TMC5: variants seen among roughly 807,000 people sequenced by gnomAD.
TMC5 encodes the protein transmembrane channel-like protein 5.
A neutral mutation model predicts 110.5 loss-of-function variants in TMC5; 86 were observed. The observed-to-expected ratio is 0.78, with a 90% confidence interval of 0.65 to 0.93. The LOEUF (loss-of-function observed/expected upper bound fraction) is 0.93, where lower values mean the gene tolerates loss of function less well. Ranked by LOEUF, TMC5 falls within the 40% of genes least tolerant of loss-of-function variation. The pLI is 0.00. For missense variants in TMC5, 1,144 were observed against 1,222.8 expected, an observed-to-expected ratio of 0.94 and a Z score of 0.96; for synonymous variants, 455 against 439.5, an observed-to-expected ratio of 1.04 and a Z score of -0.44.
intron 5 of TMC5, among the ~76,000 whole-genome samples, chr16:19,453,918 A>G (rs987548327): frequency 2.0e-5 from 3 of 152,150 alleles, no homozygotes; most frequent in Non-Finnish European, 4.4e-5. Flanking sequence ...GAATCTCACT[A>G]TATTGCTCCG....
At chr16:19,493,930 A>G (rs1450684417) in intron 19 of TMC5, among the ~76,000 whole-genome samples, 1 of 151,238 alleles carries the variant, frequency 6.6e-6, no homozygotes, top group African/African-American at 2.4e-5. Context: ...GCACGTGCCT[A>G]TGGGGGATAC....
At chr16:19,450,716 C>A (rs1967729394) in intron 5 of TMC5, among the ~76,000 whole-genome samples, 1 of 152,160 alleles carries the variant, frequency 6.6e-6, no homozygotes, top group African/African-American at 2.4e-5. Context: ...GGAGCACATG[C>A]CTACACTTGA....
At chr16:19,444,713 C>T (rs1011077661) in intron 4 of TMC5, among the ~76,000 whole-genome samples, 7 of 152,168 alleles carry the variant, frequency 4.6e-5, no homozygotes, top group African/African-American at 1.7e-4. Flanking sequence ...TTTAGCATAT[C>T]CTAAAGGCAT....
chr16:19,474,197 G>C lies in TMC5; in HGVS notation c.2011G>C (p.Val671Leu). The change falls in exon 12 of 22, where the codon GTG becomes CTG. Residue 671 changes from valine to leucine, a missense_variant. Val to Leu is a conservative substitution (Grantham distance 32, BLOSUM62 1). Coordinates refer to ENST00000542583, the MANE Select transcript of TMC5 (RefSeq NM_001261841.2). ...PFVVSCINLA[V>L]PCIYSMFRLV... ...CGTTGTGTCCTGCATTAATCTGGCC[G>C]TGCCATGCATCTACTCCATGTTCAG... The C allele has an allele frequency of 1.9e-6, 3 of 1,614,004 alleles. No individual in the cohort carries two copies. The highest frequency in any genetic ancestry group is 2.5e-6 in the Non-Finnish European group (3 of 1,180,000).
intron 2 of TMC5, among the ~76,000 whole-genome samples, chr16:19,431,339 G>A (rs949131534): frequency 7.2e-5 from 11 of 152,012 alleles, no homozygotes; most frequent in African/African-American, 2.2e-4. Flanking sequence ...TCAGGACTTC[G>A]GTAGCAGCCT....
intron 1 of TMC5, among the ~76,000 whole-genome samples, chr16:19,426,353 C>T (rs1366928156): frequency 1.3e-5 from 2 of 152,188 alleles, no homozygotes; most frequent in Non-Finnish European, 1.5e-5. Context: ...TTCCCAGACC[C>T]GGTGGTAGAG....
chr16:19,470,940 G>A (rs1237540081), intron 10 of TMC5, among the ~76,000 whole-genome samples: 2 of 152,010 alleles, frequency 1.3e-5, no homozygotes, highest in African/African-American at 4.8e-5. Flanking sequence ...GGAGGCTGAG[G>A]CTGGAGAATC....
chr16:19,432,967 C>T (rs1002148574), intron 2 of TMC5, among the ~76,000 whole-genome samples: 2 of 151,288 alleles, frequency 1.3e-5, no homozygotes, highest in African/African-American at 4.9e-5. Context: ...TAAATATATA[C>T]ATAAATTGTA....
chr16:19,429,090 T>G (rs1222708479), intron 1 of TMC5, among the ~76,000 whole-genome samples: 1 of 152,178 alleles, frequency 6.6e-6, no homozygotes, highest in Non-Finnish European at 1.5e-5. Context: ...CCTCCCAAAG[T>G]GCTGGGATTA....
chr16:19,415,893 G>C (rs1359920376), upstream of TMC5, among the ~76,000 whole-genome samples: 1 of 152,170 alleles, frequency 6.6e-6, no homozygotes, highest in Non-Finnish European at 1.5e-5. Flanking sequence ...ATACATCAAA[G>C]ATTGGGGCTG....
chr16:19,441,137 G>A (rs866083706), intron 3 of TMC5, among the ~76,000 whole-genome samples: 9 of 151,994 alleles, frequency 5.9e-5, no homozygotes, highest in Non-Finnish European at 8.8e-5. Flanking sequence ...ACCCTGCTAC[G>A]TAGCCAACAA....
At chr16:19,432,494 C>T (rs546694654) in intron 2 of TMC5, among the ~76,000 whole-genome samples, 2 of 152,322 alleles carry the variant, frequency 1.3e-5, no homozygotes, top group South Asian at 2.1e-4. Flanking sequence ...GAACCTGCAG[C>T]ATACCTCATT....
intron 9 of TMC5, 81 bp downstream of exon 9, chr16:19,466,314 G>A: frequency 6.7e-7 from 1 of 1,500,694 alleles, no homozygotes; most frequent in Non-Finnish European, 9.1e-7. Context: ...AAATTACCCA[G>A]GTAACAGTTT....
chr16:19,419,561 T>C (rs973260244), intron 1 of TMC5, among the ~76,000 whole-genome samples: 10 of 151,312 alleles, frequency 6.6e-5, no homozygotes, highest in Non-Finnish European at 1.3e-4. Context: ...TACGGGCGCC[T>C]GCCACCATGC....
chr16:19,433,306 G>A (rs1265884406), intron 2 of TMC5, among the ~76,000 whole-genome samples: 4 of 152,216 alleles, frequency 2.6e-5, no homozygotes, highest in Admixed American at 1.3e-4. Flanking sequence ...TGGTTCCCAT[G>A]GCAGTGGAAG....
At chr16:19,459,917 CAAA>C (rs34853313) in intron 5 of TMC5, among the ~76,000 whole-genome samples, 10 of 95,700 alleles carry the variant, frequency 1.0e-4, no homozygotes, top group African/African-American at 1.3e-4. Flanking sequence ...GATCCTGTCT[CAAA>C]AAAAAAAAAA....
chr16:19,465,984 G>A lies in TMC5; in HGVS notation c.1486-98G>A, dbSNP rs560562467. On this transcript the variant is annotated intron_variant, in intron 8 of 21. Coordinates refer to ENST00000542583, the MANE Select transcript of TMC5 (RefSeq NM_001261841.2). ...CAAAATGTCTAAACTGACTGGCCCA[G>A]GCTTCTTGTATTCAGGAGAGGTCAA... 1.6e-4 allele frequency: 214 copies of A among 1,337,982 alleles called. 2 individuals carry two copies. In the South Asian group the frequency reaches 3.0e-3, roughly 19 times the overall value. The allele number at this position is 1,337,982 out of a possible 1,614,324, so 82.9% of individuals were successfully genotyped here. A position where few individuals can be genotyped will look rare whatever the true frequency, so the allele number is the denominator to read the frequency against.
chr16:19,428,816 TTTTTG>T (rs770795722), intron 1 of TMC5, among the ~76,000 whole-genome samples: 14 of 151,932 alleles, frequency 9.2e-5, no homozygotes, highest in Middle Eastern at 3.2e-3. Flanking sequence ...ATATTTTCCT[TTTTTG>T]TTTTGTTTTG....
intron 8 of TMC5, among the ~76,000 whole-genome samples, chr16:19,465,657 A>G (rs7185258): frequency 0.12 from 17,624 of 152,090 alleles, 1,336 homozygotes; most frequent in East Asian, 0.37. Context: ...TTGTCTGATG[A>G]TTTCCTAGTG....
Sources: allele counts gnomAD v4.1 joint callset (sites outside exome capture counted in the v4.1 genomes callset), GRCh38; gene constraint gnomAD v4.1.1; transcripts MANE v1.5; gene names NCBI Gene and HGNC (gene_info 2026-07-23, HGNC 2026-07-21).